Variants in C17orf75 observed in about 807,000 individuals in gnomAD.
C17orf75 encodes the protein protein Njmu-R1.
Under a neutral mutation model 49.6 loss-of-function variants are expected in C17orf75, and 32 were observed. That is an observed-to-expected ratio of 0.65 (90% CI 0.49 to 0.87). The LOEUF is 0.87. Ranked by LOEUF, C17orf75 falls within the 40% of genes least tolerant of loss-of-function variation. C17orf75 has a pLI of 0.00. For missense variants in C17orf75, 428 were observed against 473.9 expected, an observed-to-expected ratio of 0.90 and a Z score of 0.90; for synonymous variants, 158 against 159.5, an observed-to-expected ratio of 0.99 and a Z score of 0.07.
chr17:32,334,858 G>A lies in C17orf75; in HGVS notation c.670-19C>T. 6.3e-7 allele frequency: 1 copy of A among 1,589,524 alleles called. No homozygotes were observed. The highest frequency in any genetic ancestry group is 8.6e-7 in the Non-Finnish European group (1 of 1,166,984). On this transcript the variant is annotated intron_variant, in intron 6 of 9. Coordinates refer to ENST00000577809, the MANE Select transcript of C17orf75 (RefSeq NM_022344.4). Reference sequence around the variant, plus strand: ...TCAAAGCCTATGAGAGAAAAATAAAGCCTGATTGGTACATATATTCCAGTT... The same window carrying A: ...TCAAAGCCTATGAGAGAAAAATAAAACCTGATTGGTACATATATTCCAGTT...
At position 32,330,178 on chromosome 17, in the gene C17orf75, AT is replaced by A. The variant is rs755201402; in HGVS notation, c.*1584del. On this transcript the variant is annotated 3_prime_UTR_variant, in exon 10 of 10. Coordinates refer to ENST00000577809, the MANE Select transcript of C17orf75 (RefSeq NM_022344.4). ...TAATACTATGAAAAATGCTACTTAG[AT>A]TTTTTTCTATACTGCCTACATTCCA... The A allele has an allele frequency of 2.0e-5, 3 of 152,152 alleles. No individual in the cohort carries two copies. The highest frequency in any genetic ancestry group is 4.1e-4 in the South Asian group (2 of 4,828). 9.4% of individuals were successfully genotyped at this position (152,152 alleles called of 1,614,324 possible).
At chr17:32,346,405 C>T (rs1167373218), upstream of C17orf75, among the ~76,000 whole-genome samples, 1 of 152,066 alleles carries the variant, frequency 6.6e-6, no homozygotes, top group Admixed American at 6.6e-5. Flanking sequence ...CCTGGGCCAC[C>T]GAAACCCAGC....
intron 7 of C17orf75, 36 bp from the exon 8 acceptor site, chr17:32,334,641 T>C: frequency 3.7e-6 from 6 of 1,606,886 alleles, no homozygotes; most frequent in Non-Finnish European, 4.2e-6. Context: ...ACAAACAATA[T>C]TGCAGGACGG....
rs1597731567 is a variant in C17orf75, at chr17:32,331,312, A to C, written c.*451T>G. On this transcript the variant is annotated 3_prime_UTR_variant, in exon 10 of 10. Coordinates refer to ENST00000577809, the MANE Select transcript of C17orf75 (RefSeq NM_022344.4). ...AAGCACCCACAGGATGCACAGATCTATCTCTGAACTGGTGTAGTGGTATTA... is the reference window on the plus strand; with the variant it reads ...AAGCACCCACAGGATGCACAGATCTCTCTCTGAACTGGTGTAGTGGTATTA... The C allele has an allele frequency of 1.3e-5, 2 of 156,916 alleles. No individual in the cohort carries two copies. The highest frequency in any genetic ancestry group is 1.9e-4 in the East Asian group (1 of 5,376). The allele number at this position is 156,916 out of a possible 1,614,324, so 9.7% of individuals were successfully genotyped here. A position where few individuals can be genotyped will look rare whatever the true frequency, so the allele number is the denominator to read the frequency against.
chr17:32,335,311 G>C lies in C17orf75; in HGVS notation c.669+12C>G, dbSNP rs765171977. On this transcript the variant is annotated intron_variant, in intron 6 of 9. Transcript: ENST00000577809. ...CTCAGTTAAGGAAATGCTCTCATTT[G>C]GCAGTACTTACAGCATGTAGCAGAA... The C allele has an allele frequency of 6.8e-6, 11 of 1,612,658 alleles. No homozygotes were observed. The highest frequency in any genetic ancestry group is 1.3e-5 in the African/African-American group (1 of 74,830).
At chr17:32,333,391 C>T in intron 9 of C17orf75, 26 bp downstream of exon 9, 4 of 1,521,326 alleles carry the variant, frequency 2.6e-6, no homozygotes, top group Non-Finnish European at 3.6e-6. Flanking sequence ...TTTCATGTGG[C>T]ACTTGGCACA....
At chr17:32,349,228 CTT>C (rs942686904) in intron 1 of C17orf75, among the ~76,000 whole-genome samples, 43 of 152,272 alleles carry the variant, frequency 2.8e-4, no homozygotes, top group South Asian at 1.5e-3. Flanking sequence ...GACTTAAACT[CTT>C]TGCTCCCTTA....
chr17:32,342,217 G>C, upstream of C17orf75: 1 of 1,409,268 alleles, frequency 7.1e-7, no homozygotes, highest in East Asian at 3.0e-5. Flanking sequence ...ATCAGGGCTC[G>C]TCCGGCTCCC....
intron 4 of C17orf75, 115 bp from the exon 5 acceptor site, chr17:32,338,069 A>G (rs2041342882): frequency 6.6e-7 from 1 of 1,515,290 alleles, no homozygotes; most frequent in African/African-American, 1.4e-5. Context: ...AAGCCAAGGC[A>G]AAATGGCCAC....
Position 32,331,086 on chromosome 17 carries a change from G to C in C17orf75, c.*677C>G, listed in dbSNP as rs550666459. The C allele has an allele frequency of 6.6e-6, 1 of 152,396 alleles. No individual in the cohort carries two copies. Among genetic ancestry groups the C allele is most frequent in the Admixed American group, 6.5e-5 (1 of 15,282 alleles). 9.4% of individuals were successfully genotyped at this position (152,396 alleles called of 1,614,324 possible). On this transcript the variant is annotated 3_prime_UTR_variant, in exon 10 of 10. Coordinates refer to ENST00000577809, the MANE Select transcript of C17orf75 (RefSeq NM_022344.4). ...GATGGTCTCGATCTCCTGACCTCATGATCTGCCCGCCTCAGCCTCCCAAAG... is the reference window on the plus strand; with the variant it reads ...GATGGTCTCGATCTCCTGACCTCATCATCTGCCCGCCTCAGCCTCCCAAAG...
At chr17:32,349,948 C>G (rs758942546) in exon 1 of C17orf75, 2 of 1,133,006 alleles carry the variant, frequency 1.8e-6, no homozygotes, top group East Asian at 1.2e-4. Context: ...GTACCTGGGG[C>G]TCCGGCTCCT....
At chr17:32,343,881 CCA>C (rs2041404235), upstream of C17orf75, 1 of 678,760 alleles carries the variant, frequency 1.5e-6, no homozygotes, top group Non-Finnish European at 2.7e-6. Context: ...GGTTGAGTTA[CCA>C]CAGTCATGAG....
intron 2 of C17orf75, among the ~76,000 whole-genome samples, chr17:32,340,220 T>C (rs1293007176): frequency 6.6e-6 from 1 of 152,218 alleles, no homozygotes; most frequent in East Asian, 1.9e-4. Context: ...GTCTCTCAAG[T>C]TTCTCATCTC....
rs752147758 is a variant in C17orf75, at chr17:32,338,354, A to G, written c.348-3T>C. The G allele has an allele frequency of 6.3e-7, 1 of 1,596,376 alleles. No homozygotes were observed. On this transcript the variant is annotated splice_polypyrimidine_tract_variant and splice_region_variant and intron_variant, in intron 3 of 9. Transcript: ENST00000577809. ...AACCAACTCGGTAACCTGGAATTCT[A>G]GAAAAGAAAGAAAATGTAAAATGCA...
intron 5 of C17orf75, among the ~76,000 whole-genome samples, chr17:32,336,455 C>T (rs1567802907): frequency 6.6e-6 from 1 of 152,210 alleles, no homozygotes; most frequent in Non-Finnish European, 1.5e-5. Context: ...CTCAAGTGAT[C>T]TGCCCGCTTT....
chr17:32,338,661 T>G (rs1052471545), intron 3 of C17orf75, among the ~76,000 whole-genome samples: 2 of 152,178 alleles, frequency 1.3e-5, no homozygotes, highest in Admixed American at 6.5e-5. Context: ...AAAAGTATGT[T>G]CTCCCCTCTC....
At chr17:32,342,838 C>A (rs1210714561), upstream of C17orf75, among the ~76,000 whole-genome samples, 1 of 152,212 alleles carries the variant, frequency 6.6e-6, no homozygotes, top group Non-Finnish European at 1.5e-5. Flanking sequence ...CCCTTCCAGT[C>A]TCTGCCCATT....
At chr17:32,342,307 C>CTGTGGGGAGA, upstream of C17orf75, 3 of 1,159,444 alleles carry the variant, frequency 2.6e-6, no homozygotes, top group Non-Finnish European at 3.4e-6. Context: ...CTCTTCTCCC[C>CTGTGGGGAGA]ACAGGGGCTG....
upstream of C17orf75, chr17:32,343,834 C>A (rs576241320): frequency 7.7e-5 from 52 of 674,344 alleles, no homozygotes; most frequent in African/African-American, 8.8e-4. Flanking sequence ...TTGAGATATA[C>A]TTGATTTTAG....
Sources: gnomAD v4.1 joint callset for allele counts (sites outside exome capture counted in the v4.1 genomes callset) on GRCh38, gnomAD v4.1.1 for gene constraint, MANE v1.5 for transcripts, NCBI Gene and HGNC (gene_info 2026-07-23, HGNC 2026-07-21) for gene names.